MAN1C1: variants seen among roughly 807,000 people sequenced by gnomAD.
The protein encoded by MAN1C1 is mannosidase alpha class 1C member 1, also known as mannosyl-oligosaccharide 1,2-alpha-mannosidase IC.
In MAN1C1, 49 loss-of-function variants were observed where a neutral mutation model predicts 71.5. That is an observed-to-expected ratio of 0.69 (90% CI 0.54 to 0.87). The LOEUF (loss-of-function observed/expected upper bound fraction) is 0.87. Ranked by LOEUF, MAN1C1 falls within the 40% of genes least tolerant of loss-of-function variation. The probability of loss-of-function intolerance (pLI) is 0.00; values close to 1 mark genes in which losing one functional copy is unlikely to be tolerated. For missense variants in MAN1C1, 743 were observed against 835.0 expected (o/e 0.89, Z 1.36); for synonymous variants, 352 against 343.7 (o/e 1.02, Z -0.27).
intron 2 of MAN1C1, among the ~76,000 whole-genome samples, chr1:25,743,822 C>A (rs1314663652): frequency 1.3e-5 from 2 of 152,214 alleles, no homozygotes; most frequent in Non-Finnish European, 2.9e-5. Context: ...GCTGCCTCTC[C>A]CCTGGCCTTG....
intron 2 of MAN1C1, among the ~76,000 whole-genome samples, chr1:25,744,353 G>A (rs894779139): frequency 6.6e-6 from 1 of 152,200 alleles, no homozygotes; most frequent in Non-Finnish European, 1.5e-5. Flanking sequence ...GCTTTGGGAT[G>A]TGTTTTCCTA....
chr1:25,768,334 CCT>C (rs1180523454), intron 7 of MAN1C1, among the ~76,000 whole-genome samples: 1 of 81,618 alleles, frequency 1.2e-5, no homozygotes, highest in East Asian at 4.1e-4. Flanking sequence ...TCCACACTCC[CCT>C]CACACACACC....
chr1:25,654,610 G>A (rs1245124975), intron 1 of MAN1C1, among the ~76,000 whole-genome samples: 1 of 152,016 alleles, frequency 6.6e-6, no homozygotes, highest in African/African-American at 2.4e-5. Context: ...CAGATGCTGT[G>A]GAACGTAATC....
chr1:25,719,098 G>A (rs1482970081), intron 2 of MAN1C1, among the ~76,000 whole-genome samples: 1 of 148,270 alleles, frequency 6.7e-6, no homozygotes, highest in African/African-American at 2.5e-5. Context: ...TTGAGACGGA[G>A]TTTTGCTCTT....
At chr1:25,770,255 T>C (rs1290093692) in intron 7 of MAN1C1, among the ~76,000 whole-genome samples, 2 of 152,192 alleles carry the variant, frequency 1.3e-5, no homozygotes, top group Admixed American at 1.3e-4. Context: ...AAGCACATGC[T>C]TCATCTTGTC....
chr1:25,626,385 G>A (rs2045294859), intron 1 of MAN1C1, among the ~76,000 whole-genome samples: 1 of 150,522 alleles, frequency 6.6e-6, no homozygotes, highest in Admixed American at 6.6e-5. Flanking sequence ...TTGAGATGGA[G>A]TCTTGCTCTG....
intron 4 of MAN1C1, among the ~76,000 whole-genome samples, chr1:25,750,628 T>A (rs1183581682): frequency 1.3e-4 from 20 of 152,192 alleles, no homozygotes; most frequent in Non-Finnish European, 2.9e-4. Context: ...TCTCTCCAAT[T>A]GCTCCAGGCC....
intron 1 of MAN1C1, among the ~76,000 whole-genome samples, chr1:25,643,354 A>G (rs1040423979): frequency 1.3e-5 from 2 of 150,856 alleles, no homozygotes; most frequent in African/African-American, 4.9e-5. Context: ...TCCTGGTTTT[A>G]AGCGATTCTC....
At chr1:25,705,722 G>A (rs1216138114) in intron 2 of MAN1C1, among the ~76,000 whole-genome samples, 3 of 152,232 alleles carry the variant, frequency 2.0e-5, no homozygotes, top group African/African-American at 7.2e-5. Flanking sequence ...AAGGCAGGAG[G>A]ATCATTTGAG....
chr1:25,644,425 A>G (rs1201061538), intron 1 of MAN1C1: 2 of 149,024 alleles, frequency 1.3e-5, no homozygotes, highest in African/African-American at 5.1e-5. Context: ...TGCTTGTGAA[A>G]TCTAGGTGGA....
intron 1 of MAN1C1, chr1:25,644,538 T>TTTTTTTG: frequency 7.8e-6 from 1 of 128,830 alleles, no homozygotes; most frequent in African/African-American, 3.4e-5. Context: ...TTTTTTTTTT[T>TTTTTTTG]TTTTTGAGAC....
chr1:25,650,269 G>C (rs148763157), intron 1 of MAN1C1, among the ~76,000 whole-genome samples: 1 of 149,816 alleles, frequency 6.7e-6, no homozygotes, highest in Non-Finnish European at 1.5e-5. Flanking sequence ...TATTTCTCTG[G>C]CTCTAAAGGG....
chr1:25,653,921 G>T (rs1180326195), intron 1 of MAN1C1, among the ~76,000 whole-genome samples: 4 of 152,240 alleles, frequency 2.6e-5, no homozygotes, highest in African/African-American at 9.6e-5. Context: ...TGCCACACTG[G>T]GGATGCTATG....
chr1:25,660,262 G>A (rs1021328960), intron 1 of MAN1C1, among the ~76,000 whole-genome samples: 11 of 152,134 alleles, frequency 7.2e-5, no homozygotes, highest in East Asian at 5.8e-4. Flanking sequence ...TTAGCTGGGC[G>A]TGGTGGCACA....
chr1:25,704,847 G>A (rs77034105), intron 2 of MAN1C1, among the ~76,000 whole-genome samples: 2,257 of 152,342 alleles, frequency 0.015, 48 homozygotes, highest in African/African-American at 0.05. Flanking sequence ...GTTTGTTGCT[G>A]ATTTTCCAGT....
chr1:25,690,737 G>A (rs1488826319), intron 2 of MAN1C1, among the ~76,000 whole-genome samples: 1 of 152,252 alleles, frequency 6.6e-6, no homozygotes, highest in Admixed American at 6.5e-5. Context: ...GAGTGGGGCA[G>A]GGGTCCCGCC....
At chr1:25,758,488 C>T (rs993564300) in intron 5 of MAN1C1, 104 bp from the exon 6 acceptor site, 75 of 923,996 alleles carry the variant, frequency 8.1e-5, no homozygotes, top group Admixed American at 6.7e-4. Flanking sequence ...TGGTTCCATG[C>T]CTGTCACATA....
rs572435961 is a variant in MAN1C1 at position 25,730,053 on chromosome 1, G to A, written c.638-16615G>A. 1.4e-4 allele frequency among the ~76,000 whole-genome samples: 22 copies of A among 152,262 alleles called. No individual in the cohort carries two copies. The highest frequency in any genetic ancestry group is 3.9e-4 in the African/African-American group (16 of 41,554). ...TTCTGAGAAAGCAGCTGCAGCCTCC[G>A]TAAGGACAGAGGTCAGGCCTGATGC... On this transcript the variant is annotated intron_variant, in intron 2 of 11. Transcript: ENST00000374332. This position sits in a 1 kb window ranked among gnomAD's most constrained non-coding sequence, Gnocchi z 4.3.
At position 25,780,077 on chromosome 1, in the gene MAN1C1, G is replaced by A. The variant is rs549901042; in HGVS notation, c.1478-863G>A. 1.8e-4 allele frequency among the ~76,000 whole-genome samples: 28 copies of A among 152,294 alleles called. No homozygotes were observed. The South Asian group carries it at 3.7e-3, about 20-fold the overall frequency. On this transcript the variant is annotated intron_variant, in intron 9 of 11. Coordinates refer to ENST00000374332, the MANE Select transcript of MAN1C1 (RefSeq NM_020379.4). ...TCAAGTCCCAACTCAGCCACAACTCGCTGTGTTACCTTGGGCAAATTACTT... is the reference window on the plus strand; with the variant it reads ...TCAAGTCCCAACTCAGCCACAACTCACTGTGTTACCTTGGGCAAATTACTT...
Sources: gnomAD v4.1 joint callset for allele counts (sites outside exome capture counted in the v4.1 genomes callset) on GRCh38, gnomAD v4.1.1 for gene constraint, Gnocchi (gnomAD v3.1) non-coding constraint, MANE v1.5 for transcripts, NCBI Gene and HGNC (gene_info 2026-07-23, HGNC 2026-07-21) for gene names.